The following KMT2C variants were observed in gnomAD, a reference collection of about 807,000 sequenced individuals.
KMT2C encodes histone-lysine N-methyltransferase 2C.
KMT2C carries 88 observed loss-of-function variants against 507.9 expected under a neutral mutation model. The observed-to-expected ratio is 0.17, with a 90% CI of 0.15 to 0.21. KMT2C has a LOEUF of 0.21. KMT2C is among the 10% of genes least tolerant of loss of function. KMT2C has a pLI of 1.00. For missense variants in KMT2C, 4,954 were observed against 5,957.8 expected (o/e 0.83, Z 5.55); for synonymous variants, 2,049 against 2,080.8 (o/e 0.98, Z 0.42).
intron 23 of KMT2C, among the ~76,000 whole-genome samples, chr7:152,209,464 A>G (rs1487934742): frequency 2.0e-5 from 3 of 151,872 alleles, no homozygotes; most frequent in Non-Finnish European, 4.4e-5. Context: ...CAAAAAAAAA[A>G]AAAAAAAAAA....
At chr7:152,253,514 C>CAAAAAAAAAAAAAAAAAAAA (rs71198770) in intron 9 of KMT2C, among the ~76,000 whole-genome samples, 2 of 39,516 alleles carry the variant, frequency 5.1e-5, no homozygotes, top group African/African-American at 1.6e-4. Flanking sequence ...TCTTTCTCTA[C>CAAAAAAAAAAAAAAAAAAAA]AAAAAAAAAA....
At chr7:152,422,711 C>G (rs957935737) in intron 1 of KMT2C, among the ~76,000 whole-genome samples, 1 of 152,054 alleles carries the variant, frequency 6.6e-6, no homozygotes, top group African/African-American at 2.4e-5. Flanking sequence ...TTCTAAGTAG[C>G]AAGGTACTCA....
Position 152,187,854 on chromosome 7 carries a change from A to G in KMT2C, c.4661-7T>C. The G allele has an allele frequency of 6.2e-7, 1 of 1,612,932 alleles. No individual in the cohort carries two copies. ...GGCATCCGTGAAAAAGCATCTTCAG[A>G]GAAAAAAATAATTCCGTTGGCATGA... On this transcript the variant is annotated splice_polypyrimidine_tract_variant and splice_region_variant and intron_variant, in intron 31 of 58. Coordinates refer to ENST00000262189, the MANE Select transcript of KMT2C (RefSeq NM_170606.3).
chr7:152,318,255 G>C (rs997855654), intron 3 of KMT2C, among the ~76,000 whole-genome samples: 6 of 151,904 alleles, frequency 3.9e-5, no homozygotes, highest in African/African-American at 4.8e-5. Context: ...CCAATTAAAA[G>C]GCAAAAATCA....
Position 152,308,673 on chromosome 7 carries a change from C to CAAAAAAAAAAAAAAAA in KMT2C, c.849+1277_849+1292dup, listed in dbSNP as rs938826373. 6.5e-4 allele frequency among the ~76,000 whole-genome samples: 16 copies of CAAAAAAAAAAAAAAAA among 24,566 alleles called. 1 individual carries two copies. The highest frequency in any genetic ancestry group is 1.9e-3 in the South Asian group (1 of 524). The allele number at this position is 24,566 out of a possible 152,430, so 16.1% of individuals were successfully genotyped here. A position where few individuals can be genotyped will look rare whatever the true frequency, so the allele number is the denominator to read the frequency against. On this transcript the variant is annotated intron_variant, in intron 6 of 58. Transcript: ENST00000262189. Reference sequence around the variant, plus strand: ...CTGCACAACACAGCAAAACTCCTCTCAAAAAAAAAAAAAAAAAAAAAAAAA... The same window carrying CAAAAAAAAAAAAAAAA: ...CTGCACAACACAGCAAAACTCCTCTCAAAAAAAAAAAAAAAAAAAAAAAAAAAAAAAAAAAAAAAAA...
intron 2 of KMT2C, among the ~76,000 whole-genome samples, chr7:152,331,578 C>A (rs1015110165): frequency 3.3e-5 from 5 of 151,390 alleles, no homozygotes; most frequent in African/African-American, 1.2e-4. Context: ...CACTGGACTC[C>A]AGCCTAAGCA....
intron 1 of KMT2C, among the ~76,000 whole-genome samples, chr7:152,417,560 T>A (rs754913222): frequency 2.6e-5 from 4 of 152,228 alleles, no homozygotes; most frequent in Non-Finnish European, 4.4e-5. Flanking sequence ...TAGAAAGTGA[T>A]AAGACCAGAA....
chr7:152,299,193 C>G (rs1179139074), intron 6 of KMT2C, among the ~76,000 whole-genome samples: 1 of 151,998 alleles, frequency 6.6e-6, no homozygotes, highest in Admixed American at 6.5e-5. Flanking sequence ...TGGTGCACGT[C>G]TGTAATCCCA....
In KMT2C at chr7:152,181,921, T is replaced by C; in HGVS notation, c.5939A>G (p.Lys1980Arg). Residue 1980 changes from lysine to arginine, a missense_variant, in exon 36 of 59, where the codon AAA (lysine) becomes AGA (arginine). Around this residue, in one of 29 missense-constraint regions of KMT2C, gnomAD observed 1,689 missense variants for 1,654.3 expected, o/e 1.02. Transcript: ENST00000262189. The stretch of plus-strand genomic sequence containing the variant: ...AGGAGACCGGGATAGGCCCAAGGAT[T>C]TGGGAAATTGATCTGTCATCACAGG... Reference protein sequence around the residue: ...PRPVMTDQFPKSLGLSRSPVV... With the variant: ...PRPVMTDQFPRSLGLSRSPVV... 1 of 1,614,138 alleles carries C rather than the reference T, an allele frequency of 6.2e-7. No individual in the cohort carries two copies. The highest frequency in any genetic ancestry group is 8.5e-7 in the Non-Finnish European group (1 of 1,180,020).
intron 1 of KMT2C, among the ~76,000 whole-genome samples, chr7:152,386,024 T>G (rs556736395): frequency 8.6e-5 from 13 of 151,494 alleles, no homozygotes; most frequent in African/African-American, 3.2e-4. Flanking sequence ...AGAGGCGAGG[T>G]TGCAGTGAGC....
At chr7:152,323,905 T>C (rs2096798478) in intron 3 of KMT2C, among the ~76,000 whole-genome samples, 1 of 151,288 alleles carries the variant, frequency 6.6e-6, no homozygotes, top group Non-Finnish European at 1.5e-5. Context: ...CTAGAGGATA[T>C]CATGCTAAGT....
chr7:152,411,996 T>C (rs1324638341), intron 1 of KMT2C, among the ~76,000 whole-genome samples: 7 of 152,266 alleles, frequency 4.6e-5, no homozygotes, highest in Non-Finnish European at 7.3e-5. Context: ...AATAAATAAA[T>C]AGATCTTCAA....
At chr7:152,216,039 C>G (rs2094574620) in intron 23 of KMT2C, among the ~76,000 whole-genome samples, 1 of 152,130 alleles carries the variant, frequency 6.6e-6, no homozygotes, top group Non-Finnish European at 1.5e-5. Flanking sequence ...TACTGAATGC[C>G]AGTCCCCTCC....
rs749058662 is a variant in KMT2C at position 152,177,209 on chromosome 7, G to A, written c.8244C>T (p.Leu2748=). The stretch of plus-strand genomic sequence containing the variant: ...TGATATCAAACTCTCCTGACCTTAA[G>A]AGGTCATCCAGGTTGGGATCATTAG... ...LETNDPNLDD[L]LRSGEFDIIA... The change falls in exon 38 of 59, where the codon CTC becomes CTT. Residue 2748 remains leucine (L), a synonymous_variant. Transcript: ENST00000262189. The A allele has an allele frequency of 2.1e-5, 34 of 1,612,844 alleles. No individual in the cohort carries two copies. The highest frequency in any genetic ancestry group is 2.5e-5 in the Non-Finnish European group (29 of 1,179,108).
intron 41 of KMT2C, 115 bp downstream of exon 41, chr7:152,169,071 G>C: frequency 3.1e-6 from 2 of 637,172 alleles, no homozygotes; most frequent in Non-Finnish European, 5.7e-6. Flanking sequence ...AATAAGACAG[G>C]AGGGCACCTG....
At chr7:152,415,400 A>C (rs1198970263) in intron 1 of KMT2C, among the ~76,000 whole-genome samples, 2 of 152,210 alleles carry the variant, frequency 1.3e-5, no homozygotes, top group African/African-American at 4.8e-5. Flanking sequence ...AAATGAACTA[A>C]AAGAAATAAT....
chr7:152,239,348 C>A (rs2095341808), intron 14 of KMT2C, among the ~76,000 whole-genome samples: 2 of 152,120 alleles, frequency 1.3e-5, no homozygotes, highest in Non-Finnish European at 2.9e-5. Flanking sequence ...ACACGTTAAA[C>A]TGTAGAGAGC....
At position 152,187,794 on chromosome 7, in the gene KMT2C, G is replaced by A. The variant is rs2093669848; in HGVS notation, c.4714C>T (p.Leu1572Phe). ...MNGLIGSSPHLPHNSLPPGSG... is the reference protein window; with the variant it reads ...MNGLIGSSPHFPHNSLPPGSG... ...CCAGGTGGCAAAGAATTATGTGGGAGATGAGGACTGGATCCAATAAGGCCA... is the reference window on the plus strand; with the variant it reads ...CCAGGTGGCAAAGAATTATGTGGGAAATGAGGACTGGATCCAATAAGGCCA... Residue 1572 changes from leucine to phenylalanine, a missense_variant, in exon 32 of 59, where the codon CTC (leucine) becomes TTC (phenylalanine). By Grantham distance (22) the Leu-to-Phe change is conservative. This residue lies in a region of KMT2C where 195 missense variants were observed against 183.7 expected (regional missense o/e 1.06). Transcript: ENST00000262189. 6.2e-7 allele frequency: 1 copy of A among 1,614,024 alleles called. No individual in the cohort carries two copies. The highest frequency in any genetic ancestry group is 8.5e-7 in the Non-Finnish European group (1 of 1,179,908).
chr7:152,157,513 AT>A (rs1445189936), intron 44 of KMT2C, among the ~76,000 whole-genome samples: 6 of 152,208 alleles, frequency 3.9e-5, no homozygotes, highest in African/African-American at 1.4e-4. Context: ...GGAAATAAGG[AT>A]TTCCACTACC....
Sources: allele counts gnomAD v4.1 joint callset (sites outside exome capture counted in the v4.1 genomes callset), GRCh38; gene constraint gnomAD v4.1.1; regional missense constraint gnomAD v4.1.1; transcripts MANE v1.5; gene names NCBI Gene and HGNC (gene_info 2026-07-23, HGNC 2026-07-21).